The following TTLL5 variants were observed in gnomAD, a reference collection of about 807,000 sequenced individuals.
TTLL5 encodes the protein tubulin polyglutamylase TTLL5.
A neutral mutation model predicts 168.4 loss-of-function variants in TTLL5; 132 were observed. The observed-to-expected ratio is 0.78, with a 90% CI of 0.68 to 0.91. The LOEUF (loss-of-function observed/expected upper bound fraction) is 0.91. Ranked by LOEUF, TTLL5 falls within the 40% of genes least tolerant of loss-of-function variation. The pLI is 0.00. For synonymous variants in TTLL5, 546 were observed against 558.6 expected (o/e 0.98, Z 0.32); for missense variants, 1,545 against 1,581.5 (o/e 0.98, Z 0.39).
chr14:75,914,017 G>GAAAAAAAAA (rs1201862659), intron 31 of TTLL5, among the ~76,000 whole-genome samples: 660 of 30,968 alleles, frequency 0.021, 25 homozygotes, highest in East Asian at 0.043. Flanking sequence ...TGTTTAAAAG[G>GAAAAAAAAA]AAAAAAAAAA....
intron 28 of TTLL5, among the ~76,000 whole-genome samples, chr14:75,846,604 A>G (rs1378129172): frequency 6.6e-6 from 1 of 152,092 alleles, no homozygotes; most frequent in African/African-American, 2.4e-5. Flanking sequence ...CAGCCTGTCC[A>G]ACATGGAGAA....
At chr14:75,696,259 T>C (rs1885856892) in intron 6 of TTLL5, among the ~76,000 whole-genome samples, 1 of 152,150 alleles carries the variant, frequency 6.6e-6, no homozygotes, top group African/African-American at 2.4e-5. Context: ...TCATTGCCTG[T>C]AATTACTTGT....
chr14:75,706,691 T>C (rs544011450), intron 7 of TTLL5, among the ~76,000 whole-genome samples: 4 of 152,232 alleles, frequency 2.6e-5, no homozygotes, highest in African/African-American at 9.6e-5. Context: ...GTGGCTCTTA[T>C]TTTCTTGGCA....
chr14:75,911,505 A>G (rs2033386073), intron 31 of TTLL5, among the ~76,000 whole-genome samples: 1 of 152,214 alleles, frequency 6.6e-6, no homozygotes, highest in African/African-American at 2.4e-5. Context: ...AAGTTGCTGT[A>G]TGTATCATTT....
At chr14:75,937,742 A>G (rs943619464) in intron 31 of TTLL5, among the ~76,000 whole-genome samples, 1 of 152,212 alleles carries the variant, frequency 6.6e-6, no homozygotes, top group Non-Finnish European at 1.5e-5. Flanking sequence ...TATACACCAC[A>G]TTATCCATTC....
At chr14:75,737,591 C>T (rs1448655823) in intron 15 of TTLL5, 42 of 1,535,526 alleles carry the variant, frequency 2.7e-5, no homozygotes, top group African/African-American at 6.9e-5. Context: ...CAGTTTCAGT[C>T]GTCAAAGGCC....
chr14:75,909,058 G>A (rs1206837161), intron 31 of TTLL5, among the ~76,000 whole-genome samples: 4 of 151,880 alleles, frequency 2.6e-5, no homozygotes, highest in Non-Finnish European at 5.9e-5. Flanking sequence ...TATTACAGGC[G>A]TGAACCACCA....
chr14:75,722,833 A>G (rs1003046810), intron 12 of TTLL5, among the ~76,000 whole-genome samples: 2 of 152,060 alleles, frequency 1.3e-5, no homozygotes, highest in Non-Finnish European at 2.9e-5. Flanking sequence ...CTACCTCTGC[A>G]CCTGTTTTAC....
chr14:75,798,407 G>A (rs963168955), intron 27 of TTLL5, among the ~76,000 whole-genome samples: 2 of 150,992 alleles, frequency 1.3e-5, no homozygotes, highest in African/African-American at 4.9e-5. Flanking sequence ...CAAAGAACCA[G>A]ATTTTTGTTT....
intron 6 of TTLL5, among the ~76,000 whole-genome samples, chr14:75,695,007 A>C (rs529809016): frequency 6.6e-6 from 1 of 152,326 alleles, no homozygotes; most frequent in East Asian, 1.9e-4. Flanking sequence ...AAAGAACAGG[A>C]TAACAGTGAT....
chr14:75,724,993 C>T (rs1888100778), intron 12 of TTLL5, among the ~76,000 whole-genome samples: 1 of 152,188 alleles, frequency 6.6e-6, no homozygotes, highest in Non-Finnish European at 1.5e-5. Context: ...ATTAGCATGG[C>T]TGAAGTCATG....
chr14:75,920,231 T>C (rs963720986), intron 31 of TTLL5, among the ~76,000 whole-genome samples: 6 of 152,198 alleles, frequency 3.9e-5, no homozygotes, highest in African/African-American at 1.4e-4. Flanking sequence ...ATCCAGAATA[T>C]ATACAGACCT....
rs535489205 is a variant in TTLL5, at chr14:75,792,381, A to T, written c.2987-535A>T. The stretch of plus-strand genomic sequence containing the variant: ...AGAACTTAAAGTATAATAATAATAA[A>T]AAAGAAAACATGTTTTGACTAAAAA... On this transcript the variant is annotated intron_variant, in intron 26 of 31. Transcript: ENST00000298832. 1.6e-4 allele frequency among the ~76,000 whole-genome samples: 25 copies of T among 152,006 alleles called. No homozygotes were observed. In the South Asian group the frequency reaches 4.8e-3, roughly 29 times the overall value.
chr14:75,875,853 A>G (rs183689621), intron 29 of TTLL5, among the ~76,000 whole-genome samples: 1,885 of 152,382 alleles, frequency 0.012, 15 homozygotes, highest in South Asian at 0.025. Context: ...TATGCATAGA[A>G]AAACATCTAA....
intron 8 of TTLL5, 138 bp from the exon 9 acceptor site, chr14:75,707,485 A>C (rs968398002): frequency 3.1e-6 from 2 of 641,110 alleles, no homozygotes; most frequent in African/African-American, 1.8e-5. Flanking sequence ...TCCGAAGTCA[A>C]GGTGTGTGAG....
intron 12 of TTLL5, 134 bp downstream of exon 12, chr14:75,720,837 G>T (rs1887788933): frequency 4.0e-6 from 3 of 745,640 alleles, no homozygotes; most frequent in Non-Finnish European, 4.6e-6. Context: ...CTAAGCTCAT[G>T]TAGCATATGA....
chr14:75,699,212 C>T lies in TTLL5; in HGVS notation c.527C>T (p.Pro176Leu). The change falls in exon 7 of 32, where the codon CCT becomes CTT. Residue 176 changes from proline to leucine, a missense_variant. By Grantham distance (98) the Pro-to-Leu change is moderately conservative (BLOSUM62 -3). Coordinates refer to ENST00000298832, the MANE Select transcript of TTLL5 (RefSeq NM_015072.5). Reference protein sequence around the residue: ...FCNSYSKDRGPWIVKPVASSR... With the variant: ...FCNSYSKDRGLWIVKPVASSR... ...GATTCATATTCGAAGGACCGGGGAC[C>T]TTGGATAGTAAAACCAGTGGCATCT... 1.2e-6 allele frequency: 2 copies of T among 1,613,866 alleles called. No homozygotes were observed. The highest frequency in any genetic ancestry group is 2.2e-5 in the East Asian group (1 of 44,858).
intron 6 of TTLL5, among the ~76,000 whole-genome samples, chr14:75,696,598 T>C (rs1885892962): frequency 1.3e-5 from 2 of 152,240 alleles, no homozygotes; most frequent in Admixed American, 1.3e-4. Flanking sequence ...ATGTCTTCTA[T>C]AGCAGGACTT....
chr14:75,704,241 A>G (rs1886485310), intron 7 of TTLL5, among the ~76,000 whole-genome samples: 1 of 152,202 alleles, frequency 6.6e-6, no homozygotes, highest in African/African-American at 2.4e-5. Context: ...AGGTCCATTT[A>G]GAAAGATACC....
Sources: gnomAD v4.1 joint callset for allele counts (sites outside exome capture counted in the v4.1 genomes callset) on GRCh38, gnomAD v4.1.1 for gene constraint, MANE v1.5 for transcripts, NCBI Gene and HGNC (gene_info 2026-07-23, HGNC 2026-07-21) for gene names.